RPGRIP1: variants seen among roughly 807,000 people sequenced by gnomAD.
RPGRIP1 encodes the protein X-linked retinitis pigmentosa GTPase regulator-interacting protein 1.
In RPGRIP1, 128 loss-of-function variants were observed where a neutral mutation model predicts 157.9. The observed-to-expected ratio is 0.81, with a 90% confidence interval of 0.70 to 0.94. The LOEUF is 0.94. Ranked by LOEUF, RPGRIP1 falls within the 40% of genes least tolerant of loss-of-function variation. The probability of loss-of-function intolerance (pLI) is 0.00; values close to 1 mark genes in which losing one functional copy is unlikely to be tolerated. For synonymous variants in RPGRIP1, 554 were observed against 571.6 expected (o/e 0.97, Z 0.44); for missense variants, 1,486 against 1,545.8 (o/e 0.96, Z 0.65).
chr14:21,295,440 T>C (rs1218327961), intron 3 of RPGRIP1, among the ~76,000 whole-genome samples: 1 of 114,350 alleles, frequency 8.7e-6, no homozygotes, highest in Non-Finnish European at 1.9e-5. Context: ...AAGTGCTATC[T>C]ATACATTTAT....
chr14:21,280,497 C>T (rs991892085), intron 1 of RPGRIP1, among the ~76,000 whole-genome samples: 26 of 152,166 alleles, frequency 1.7e-4, no homozygotes, highest in Middle Eastern at 3.4e-3. Context: ...TCACCCGCCT[C>T]GGCCTCCCAA....
chr14:21,291,993 C>T (rs183389105), intron 2 of RPGRIP1, among the ~76,000 whole-genome samples: 5 of 152,012 alleles, frequency 3.3e-5, no homozygotes, highest in East Asian at 1.9e-4. Context: ...CTCCTGACCT[C>T]GTGATCCTCC....
At chr14:21,333,056 T>A (rs1883955223) in intron 20 of RPGRIP1, among the ~76,000 whole-genome samples, 1 of 152,114 alleles carries the variant, frequency 6.6e-6, no homozygotes, top group Non-Finnish European at 1.5e-5. Context: ...GCTGAGACCA[T>A]GCCATTGCAC....
chr14:21,319,735 C>G (rs1566681879), intron 11 of RPGRIP1, among the ~76,000 whole-genome samples: 2 of 152,146 alleles, frequency 1.3e-5, no homozygotes, highest in African/African-American at 2.4e-5. Flanking sequence ...TTGGATTACC[C>G]TAGTCAAGTG....
intron 2 of RPGRIP1, among the ~76,000 whole-genome samples, chr14:21,288,504 G>A (rs1314089565): frequency 6.8e-6 from 1 of 147,970 alleles, no homozygotes; most frequent in Non-Finnish European, 1.5e-5. Flanking sequence ...TTATTCTTAA[G>A]TTCTTTTTTT....
At chr14:21,316,776 G>T (rs1235569407) in intron 10 of RPGRIP1, among the ~76,000 whole-genome samples, 4 of 151,994 alleles carry the variant, frequency 2.6e-5, no homozygotes, top group Non-Finnish European at 4.4e-5. Context: ...GACATAAAAA[G>T]AAATAATTGT....
chr14:21,322,052 T>C, intron 14 of RPGRIP1, 48 bp downstream of exon 14: 1 of 1,547,740 alleles, frequency 6.5e-7, no homozygotes, highest in African/African-American at 1.4e-5. Context: ...CTTCCACAGC[T>C]AACGCCTGTG....
chr14:21,350,603 T>C (rs1383601568), intron 24 of RPGRIP1, among the ~76,000 whole-genome samples: 1 of 152,202 alleles, frequency 6.6e-6, no homozygotes, highest in Non-Finnish European at 1.5e-5. Flanking sequence ...CTGTGATCCT[T>C]AGTCTTTTTC....
At chr14:21,294,047 T>G (rs1273449811) in intron 2 of RPGRIP1, among the ~76,000 whole-genome samples, 3 of 63,060 alleles carry the variant, frequency 4.8e-5, no homozygotes, top group Non-Finnish European at 1.1e-4. Flanking sequence ...AGCGAGACCC[T>G]GTCTCAAAAA....
At chr14:21,319,493 A>G (rs1882170081) in intron 11 of RPGRIP1, among the ~76,000 whole-genome samples, 1 of 152,144 alleles carries the variant, frequency 6.6e-6, no homozygotes. Context: ...CCCTGGAGGC[A>G]TAGGTTGCAG....
At chr14:21,295,522 T>C (rs1880735546) in intron 3 of RPGRIP1, among the ~76,000 whole-genome samples, 1 of 149,334 alleles carries the variant, frequency 6.7e-6, no homozygotes, top group African/African-American at 2.5e-5. Context: ...TTGCTCTTGT[T>C]GCCCAGGCTG....
intron 22 of RPGRIP1, among the ~76,000 whole-genome samples, chr14:21,343,490 A>G (rs1156333682): frequency 1.3e-5 from 2 of 151,982 alleles, no homozygotes; most frequent in African/African-American, 2.4e-5. Flanking sequence ...CATTTCAGCT[A>G]TATTTATTTT....
At chr14:21,349,388 A>G (rs180735918) in intron 24 of RPGRIP1, among the ~76,000 whole-genome samples, 106 of 122,680 alleles carry the variant, frequency 8.6e-4, no homozygotes, top group African/African-American at 3.1e-3. Context: ...TATAATTACT[A>G]TAATTTCTTT....
intron 19 of RPGRIP1, among the ~76,000 whole-genome samples, chr14:21,329,046 A>G (rs1035987237): frequency 1.3e-5 from 2 of 150,922 alleles, no homozygotes; most frequent in Admixed American, 1.3e-4. Context: ...CGGGAGGCTG[A>G]GGAAGGAGAA....
Position 21,324,753 on chromosome 14 carries a change from A to C in RPGRIP1, c.1898A>C (p.His633Pro). ...GAGAATCTTTTTGAACTGCACATCCACCAGGCCTTCCTGACATCTGCCGCC... is the reference window on the plus strand; with the variant it reads ...GAGAATCTTTTTGAACTGCACATCCCCCAGGCCTTCCTGACATCTGCCGCC... ...QGENLFELHI[H>P]QAFLTSAALA... is the part of the protein sequence containing the mutation. Residue 633 changes from histidine (H) to proline (P), a missense_variant, in exon 15 of 25, where the codon CAC becomes CCC. Transcript: ENST00000400017. 1.2e-6 allele frequency: 2 copies of C among 1,614,008 alleles called. No individual in the cohort carries two copies. Among genetic ancestry groups the C allele is most frequent in the South Asian group, 1.1e-5 (1 of 91,086 alleles).
intron 10 of RPGRIP1, among the ~76,000 whole-genome samples, chr14:21,313,659 GCA>G (rs1881638702): frequency 6.6e-6 from 1 of 151,840 alleles, no homozygotes; most frequent in Non-Finnish European, 1.5e-5. Context: ...ACAGTAGCGC[GCA>G]CTTGTAATCC....
chr14:21,320,238 A>G (rs1882253075), intron 12 of RPGRIP1, 61 bp downstream of exon 12: 3 of 1,409,252 alleles, frequency 2.1e-6, no homozygotes, highest in Non-Finnish European at 3.0e-6. Flanking sequence ...AAATATCTCT[A>G]GGGAAGATGA....
rs1290389911 is a variant in RPGRIP1 at position 21,287,961 on chromosome 14, C to G, written c.-16C>G. On this transcript the variant is annotated 5_prime_UTR_variant, in exon 2 of 25. Coordinates refer to ENST00000400017, the MANE Select transcript of RPGRIP1 (RefSeq NM_020366.4). ...CAGTGTCCTCTGGGATCTCTTACAG[C>G]TTGGGAACAGAGATCATGTCACATC... 6.3e-7 allele frequency: 1 copy of G among 1,592,792 alleles called. No individual in the cohort carries two copies. Among genetic ancestry groups the G allele is most frequent in the Admixed American group, 1.7e-5 (1 of 59,168 alleles).
At chr14:21,317,220 A>T (rs1217029368) in intron 10 of RPGRIP1, among the ~76,000 whole-genome samples, 1 of 152,190 alleles carries the variant, frequency 6.6e-6, no homozygotes, top group Non-Finnish European at 1.5e-5. Context: ...TGGAGGATAC[A>T]GTTGTTGAAA....
Sources: allele counts gnomAD v4.1 joint callset (sites outside exome capture counted in the v4.1 genomes callset), GRCh38; gene constraint gnomAD v4.1.1; transcripts MANE v1.5; gene names NCBI Gene and HGNC (gene_info 2026-07-23, HGNC 2026-07-21).